The following ADCY2 variants were observed in gnomAD, a reference collection of about 807,000 sequenced individuals.
ADCY2 encodes adenylate cyclase 2.
In ADCY2, 31 loss-of-function variants were observed where a neutral mutation model predicts 125.2. The ratio of observed to expected loss-of-function variants is 0.25; its 90% CI spans 0.19 to 0.33. The LOEUF (loss-of-function observed/expected upper bound fraction) is 0.33, where lower values mean the gene tolerates loss of function less well. ADCY2 is among the 10% of genes least tolerant of loss of function. The probability of loss-of-function intolerance (pLI) is 1.00; values close to 1 mark genes in which losing one functional copy is unlikely to be tolerated. For synonymous variants in ADCY2, 512 were observed against 548.4 expected (o/e 0.93, Z 0.93); for missense variants, 904 against 1,418.2 (o/e 0.64, Z 5.82).
chr5:7,518,388 CTT>C (rs1195218481), intron 2 of ADCY2, among the ~76,000 whole-genome samples: 11 of 152,176 alleles, frequency 7.2e-5, no homozygotes, highest in Non-Finnish European at 1.5e-5. Flanking sequence ...CCCAGCCAAA[CTT>C]TGCATTTTTA....
rs148419001 is a variant in ADCY2 at position 7,590,107 on chromosome 5, G to A, written c.571-36060G>A. Reference sequence around the variant, plus strand: ...GTCTGCTAAAACCAAAATCAAAGCCGACAGGAGCTATTGGAAATGAGATAA... The same window carrying A: ...GTCTGCTAAAACCAAAATCAAAGCCAACAGGAGCTATTGGAAATGAGATAA... On this transcript the variant is annotated intron_variant, in intron 3 of 24. Coordinates refer to ENST00000338316, the MANE Select transcript of ADCY2 (RefSeq NM_020546.3). 2.4e-4 allele frequency among the ~76,000 whole-genome samples: 36 copies of A among 152,240 alleles called. 1 individual carries two copies. The East Asian group carries it at 6.6e-3, about 28-fold the overall frequency.
intron 4 of ADCY2, among the ~76,000 whole-genome samples, chr5:7,673,587 G>A (rs929166100): frequency 6.6e-6 from 1 of 152,154 alleles, no homozygotes; most frequent in Non-Finnish European, 1.5e-5. Flanking sequence ...CCTGCAGGAT[G>A]CATAGCAGCA....
chr5:7,681,163 T>C (rs1015127264), intron 4 of ADCY2, among the ~76,000 whole-genome samples: 1 of 152,236 alleles, frequency 6.6e-6, no homozygotes, highest in Non-Finnish European at 1.5e-5. Context: ...AATCCTTATC[T>C]GAAGAAGCTC....
chr5:7,654,965 G>A (rs1021374183), intron 4 of ADCY2, among the ~76,000 whole-genome samples: 3 of 152,212 alleles, frequency 2.0e-5, no homozygotes, highest in African/African-American at 7.2e-5. Flanking sequence ...TAGAGGATGT[G>A]ACTGGCTGAA....
intron 7 of ADCY2, among the ~76,000 whole-genome samples, chr5:7,705,944 C>T (rs908594278): frequency 1.3e-5 from 2 of 152,132 alleles, no homozygotes; most frequent in Admixed American, 6.5e-5. Context: ...CACTACAATT[C>T]ACAAGTGGTG....
At chr5:7,422,050 G>T (rs1425438557) in intron 2 of ADCY2, among the ~76,000 whole-genome samples, 1 of 152,118 alleles carries the variant, frequency 6.6e-6, no homozygotes, top group African/African-American at 2.4e-5. Context: ...TGTCATGGAA[G>T]TGTTTCTTGT....
chr5:7,539,668 G>A (rs1028687954), intron 3 of ADCY2, among the ~76,000 whole-genome samples: 17 of 152,212 alleles, frequency 1.1e-4, no homozygotes, highest in Non-Finnish European at 2.9e-5. Context: ...GGGATTGACA[G>A]TCATTTTCTG....
At chr5:7,652,763 G>C (rs936877660) in intron 4 of ADCY2, among the ~76,000 whole-genome samples, 7 of 152,160 alleles carry the variant, frequency 4.6e-5, no homozygotes, top group African/African-American at 1.4e-4. Context: ...GTGATGCTGG[G>C]CATAGGTTCT....
At chr5:7,565,336 A>G (rs1735856380) in intron 3 of ADCY2, among the ~76,000 whole-genome samples, 1 of 152,246 alleles carries the variant, frequency 6.6e-6, no homozygotes, top group African/African-American at 2.4e-5. Context: ...TTTCAAAGCT[A>G]GAGAAATGAA....
intron 22 of ADCY2, among the ~76,000 whole-genome samples, chr5:7,816,167 T>G (rs892281078): frequency 6.6e-6 from 1 of 152,184 alleles, no homozygotes; most frequent in African/African-American, 2.4e-5. Context: ...CTTTAACATA[T>G]GAACTTGGAG....
chr5:7,464,577 G>A (rs1453612609), intron 2 of ADCY2, among the ~76,000 whole-genome samples: 5 of 152,122 alleles, frequency 3.3e-5, no homozygotes, highest in African/African-American at 1.2e-4. Flanking sequence ...TAGATAAGGG[G>A]AACCAATAAG....
At chr5:7,776,442 G>A (rs561994113) in intron 18 of ADCY2, among the ~76,000 whole-genome samples, 2 of 152,212 alleles carry the variant, frequency 1.3e-5, no homozygotes, top group Admixed American at 6.5e-5. Flanking sequence ...CTTCTGTTCT[G>A]GTCTTCTTTC....
chr5:7,443,218 A>G (rs1741078759), intron 2 of ADCY2, among the ~76,000 whole-genome samples: 1 of 152,212 alleles, frequency 6.6e-6, no homozygotes, highest in Non-Finnish European at 1.5e-5. Context: ...TTGAAGAGAA[A>G]GAGACCATGA....
intron 7 of ADCY2, among the ~76,000 whole-genome samples, chr5:7,706,241 G>T (rs1445198679): frequency 6.6e-6 from 1 of 152,120 alleles, no homozygotes; most frequent in Non-Finnish European, 1.5e-5. Context: ...TTAATGTCAT[G>T]ATTATTTTGC....
intron 23 of ADCY2, among the ~76,000 whole-genome samples, chr5:7,820,230 C>G (rs1044911855): frequency 6.6e-6 from 1 of 152,138 alleles, no homozygotes; most frequent in Non-Finnish European, 1.5e-5. Context: ...CGGTGGCTCA[C>G]TCCTGTAATC....
intron 1 of ADCY2, among the ~76,000 whole-genome samples, chr5:7,406,060 A>G (rs777690645): frequency 6.6e-6 from 1 of 151,718 alleles, no homozygotes; most frequent in Non-Finnish European, 1.5e-5. Flanking sequence ...GAGTTTTGCC[A>G]TATTGCCCAG....
chr5:7,470,012 A>G (rs967858914), intron 2 of ADCY2, among the ~76,000 whole-genome samples: 4 of 151,810 alleles, frequency 2.6e-5, no homozygotes, highest in African/African-American at 4.8e-5. Flanking sequence ...CATCAATTAT[A>G]TTATTAATTT....
intron 11 of ADCY2, 100 bp from the exon 12 acceptor site, chr5:7,717,057 A>T: frequency 1.4e-6 from 1 of 701,026 alleles, no homozygotes; most frequent in Non-Finnish European, 2.5e-6. Context: ...TGTCATCTGT[A>T]TCTCATAAGG....
chr5:7,681,197 T>A (rs1020391371), intron 4 of ADCY2, among the ~76,000 whole-genome samples: 1 of 152,222 alleles, frequency 6.6e-6, no homozygotes, highest in African/African-American at 2.4e-5. Flanking sequence ...ATGAGCAGAG[T>A]GAGAATTAGA....
Sources: allele counts gnomAD v4.1 joint callset (sites outside exome capture counted in the v4.1 genomes callset), GRCh38; gene constraint gnomAD v4.1.1; transcripts MANE v1.5; gene names NCBI Gene and HGNC (gene_info 2026-07-23, HGNC 2026-07-21).